STXBP6: variants seen among roughly 807,000 people sequenced by gnomAD.
STXBP6 encodes syntaxin-binding protein 6.
A neutral mutation model predicts 26.9 loss-of-function variants in STXBP6; 21 were observed. That is an observed-to-expected ratio of 0.78 (90% CI 0.55 to 1.12). The LOEUF is 1.12. STXBP6 is among the 50% of genes most tolerant of loss of function. The pLI, the probability that STXBP6 is intolerant of heterozygous loss-of-function variation, is 0.00. For missense variants in STXBP6, 232 were observed against 257.9 expected, an observed-to-expected ratio of 0.90 and a Z score of 0.69; for synonymous variants, 97 against 92.6, an observed-to-expected ratio of 1.05 and a Z score of -0.27.
intron 2 of STXBP6, among the ~76,000 whole-genome samples, chr14:24,862,313 T>A (rs369639151): frequency 3.3e-4 from 51 of 152,252 alleles, no homozygotes; most frequent in African/African-American, 1.2e-3. Context: ...CTGGATGTTT[T>A]AAGGAAGGTC....
At chr14:24,982,469 G>T (rs2074222363) in intron 1 of STXBP6, among the ~76,000 whole-genome samples, 1 of 152,178 alleles carries the variant, frequency 6.6e-6, no homozygotes, top group South Asian at 2.1e-4. Flanking sequence ...TCTCTTAGAT[G>T]AATAACTCTG....
At chr14:24,844,061 A>C (rs2068866020) in intron 4 of STXBP6, among the ~76,000 whole-genome samples, 1 of 152,138 alleles carries the variant, frequency 6.6e-6, no homozygotes, top group Non-Finnish European at 1.5e-5. Flanking sequence ...ACAGTCAATC[A>C]CCAATGGCTT....
intron 2 of STXBP6, among the ~76,000 whole-genome samples, chr14:24,967,560 T>C (rs1052677887): frequency 1.3e-5 from 2 of 152,234 alleles, no homozygotes; most frequent in African/African-American, 2.4e-5. Context: ...ACAAAGGATA[T>C]TGCATATTTA....
intron 1 of STXBP6, among the ~76,000 whole-genome samples, chr14:24,988,782 C>T (rs1297804393): frequency 1.3e-5 from 2 of 152,302 alleles, no homozygotes; most frequent in Middle Eastern, 3.4e-3. Flanking sequence ...TGCAAAGAAC[C>T]TGAACCCTTG....
At chr14:24,824,137 G>A (rs1398304713) in intron 4 of STXBP6, among the ~76,000 whole-genome samples, 8 of 152,000 alleles carry the variant, frequency 5.3e-5, no homozygotes, top group Middle Eastern at 3.4e-3. Context: ...TTCTACTTTC[G>A]CTCTGTGACA....
At chr14:24,812,950 A>C (rs547014593) in intron 5 of STXBP6, among the ~76,000 whole-genome samples, 1 of 152,112 alleles carries the variant, frequency 6.6e-6, no homozygotes, top group South Asian at 2.1e-4. Context: ...TTTCCTTATG[A>C]TAGCTTTGCT....
At chr14:24,984,232 A>AAAAAAC (rs1251775921) in intron 1 of STXBP6, among the ~76,000 whole-genome samples, 2 of 152,240 alleles carry the variant, frequency 1.3e-5, no homozygotes, top group Non-Finnish European at 2.9e-5. Flanking sequence ...CTCTGTCTTA[A>AAAAAAC]AAAAACAAAA....
rs564720394 is a variant in STXBP6 at position 24,932,270 on chromosome 14, G to A, written c.154+42395C>T. Among the ~76,000 whole-genome samples the A allele has an allele frequency of 3.9e-5, 6 of 152,336 alleles. No homozygotes were observed. In the South Asian group the frequency reaches 1.0e-3, roughly 26 times the overall value. On this transcript the variant is annotated intron_variant, in intron 2 of 5. Transcript: ENST00000323944. Reference sequence around the variant, plus strand: ...AAAAATACAAAAACTAGCTGGGCGTGGTAGCGGGTGCCTGTAGTCCCAGCT... The same window carrying A: ...AAAAATACAAAAACTAGCTGGGCGTAGTAGCGGGTGCCTGTAGTCCCAGCT...
chr14:24,847,140 C>G (rs2068991463), intron 4 of STXBP6, among the ~76,000 whole-genome samples: 2 of 152,172 alleles, frequency 1.3e-5, no homozygotes, highest in Non-Finnish European at 2.9e-5. Flanking sequence ...GAAAAGAGCA[C>G]AGACTGGATT....
At chr14:25,041,199 A>G (rs1238712869) in intron 1 of STXBP6, among the ~76,000 whole-genome samples, 3 of 151,882 alleles carry the variant, frequency 2.0e-5, no homozygotes, top group Non-Finnish European at 4.4e-5. Context: ...GTGGGCGCCT[A>G]TAATCCCAGC....
At chr14:24,832,331 G>C (rs1336677665) in intron 4 of STXBP6, among the ~76,000 whole-genome samples, 1 of 152,216 alleles carries the variant, frequency 6.6e-6, no homozygotes, top group Non-Finnish European at 1.5e-5. Context: ...CTGGCATCCA[G>C]ATGAGCTTGA....
At chr14:24,826,672 A>T (rs2068294119) in intron 4 of STXBP6, among the ~76,000 whole-genome samples, 1 of 151,994 alleles carries the variant, frequency 6.6e-6, no homozygotes, top group Non-Finnish European at 1.5e-5. Flanking sequence ...AAATTGACTG[A>T]CTACTTCTGA....
At chr14:24,946,171 G>T (rs1305149634) in intron 2 of STXBP6, among the ~76,000 whole-genome samples, 1 of 152,166 alleles carries the variant, frequency 6.6e-6, no homozygotes, top group East Asian at 1.9e-4. Context: ...ATGAAAAAAT[G>T]TGTAACAGTA....
At chr14:24,969,960 G>A (rs1039429454) in intron 2 of STXBP6, among the ~76,000 whole-genome samples, 1 of 152,098 alleles carries the variant, frequency 6.6e-6, no homozygotes, top group Non-Finnish European at 1.5e-5. Context: ...AATCAATTTC[G>A]GCCGGGTGTG....
At position 24,985,183 on chromosome 14, in the gene STXBP6, T is replaced by C. The variant is rs77828845; in HGVS notation, c.-32-10333A>G. On this transcript the variant is annotated intron_variant, in intron 1 of 5. Transcript: ENST00000323944. ...AAGGAGTTGCACAGCCTTATTAGGATAGAGCTTGTTTTGATTCTACAAATA... is the reference window on the plus strand; with the variant it reads ...AAGGAGTTGCACAGCCTTATTAGGACAGAGCTTGTTTTGATTCTACAAATA... Among the ~76,000 whole-genome samples, 123 of 152,346 alleles carry C rather than the reference T, an allele frequency of 8.1e-4. 1 individual carries two copies. In the East Asian group the frequency reaches 0.019, roughly 24 times the overall value.
intron 1 of STXBP6, among the ~76,000 whole-genome samples, chr14:24,981,352 C>T (rs1266533311): frequency 2.6e-5 from 4 of 151,938 alleles, no homozygotes; most frequent in Admixed American, 6.6e-5. Flanking sequence ...CTCACTGCAA[C>T]CTCTGTCTCC....
At chr14:24,999,102 A>C (rs1054100778) in intron 1 of STXBP6, among the ~76,000 whole-genome samples, 2 of 152,214 alleles carry the variant, frequency 1.3e-5, no homozygotes, top group African/African-American at 4.8e-5. Flanking sequence ...AAAATACAGT[A>C]AGTTGAACAT....
chr14:24,819,278 G>A, intron 4 of STXBP6, 84 bp from the exon 5 acceptor site: 1 of 1,529,394 alleles, frequency 6.5e-7, no homozygotes, highest in Non-Finnish European at 9.0e-7. Context: ...TATCCTGTAA[G>A]AGGAAGGCAG....
intron 1 of STXBP6, among the ~76,000 whole-genome samples, chr14:25,032,373 G>T (rs893784835): frequency 6.6e-6 from 1 of 152,150 alleles, no homozygotes; most frequent in African/African-American, 2.4e-5. Flanking sequence ...TGTGACTTGA[G>T]CACCCCAAGG....
Sources: gnomAD v4.1 joint callset for allele counts (sites outside exome capture counted in the v4.1 genomes callset) on GRCh38, gnomAD v4.1.1 for gene constraint, MANE v1.5 for transcripts, NCBI Gene and HGNC (gene_info 2026-07-23, HGNC 2026-07-21) for gene names.